The following RIT2 variants were observed in gnomAD, a reference collection of about 807,000 sequenced individuals.
The protein encoded by RIT2 is GTP-binding protein Rit2.
In RIT2, 24 loss-of-function variants were observed where a neutral mutation model predicts 23.7. The ratio of observed to expected loss-of-function variants is 1.01; its 90% CI spans 0.73 to 1.43. RIT2 has a LOEUF of 1.43. RIT2 is among the 40% of genes most tolerant of loss of function. The pLI is 0.00. For missense variants in RIT2, 236 were observed against 266.9 expected, an observed-to-expected ratio of 0.88 and a Z score of 0.81; for synonymous variants, 107 against 91.1, an observed-to-expected ratio of 1.17 and a Z score of -0.99.
intron 4 of RIT2, among the ~76,000 whole-genome samples, chr18:42,819,716 C>T (rs562356405): frequency 1.2e-4 from 19 of 152,156 alleles, no homozygotes; most frequent in African/African-American, 4.3e-4. Context: ...TATTCATTGT[C>T]CCATTTTATT....
At chr18:42,949,822 G>T (rs1909808172) in intron 3 of RIT2, among the ~76,000 whole-genome samples, 1 of 152,056 alleles carries the variant, frequency 6.6e-6, no homozygotes, top group Non-Finnish European at 1.5e-5. Context: ...AAGTCTCACT[G>T]AATCTTTACC....
At chr18:42,767,090 C>T (rs1183766831) in intron 4 of RIT2, among the ~76,000 whole-genome samples, 1 of 152,198 alleles carries the variant, frequency 6.6e-6, no homozygotes, top group Non-Finnish European at 1.5e-5. Context: ...TTGGAGCCCC[C>T]ACACAGAGTC....
intron 4 of RIT2, among the ~76,000 whole-genome samples, chr18:42,819,435 A>C (rs545836100): frequency 6.6e-6 from 1 of 152,116 alleles, no homozygotes; most frequent in Non-Finnish European, 1.5e-5. Flanking sequence ...AATCTTTATT[A>C]TTTTAGGTGT....
chr18:42,755,927 T>C (rs1301794941), intron 4 of RIT2, among the ~76,000 whole-genome samples: 1 of 152,072 alleles, frequency 6.6e-6, no homozygotes, highest in Non-Finnish European at 1.5e-5. Flanking sequence ...GGAGCCTTAA[T>C]CTTAGACCTG....
chr18:42,834,511 G>A (rs954638843), intron 4 of RIT2, among the ~76,000 whole-genome samples: 48 of 151,938 alleles, frequency 3.2e-4, no homozygotes, highest in African/African-American at 1.1e-3. Context: ...TGGGAGTGGG[G>A]TAGAATTTTG....
chr18:43,053,437 C>G (rs145372607), intron 1 of RIT2, among the ~76,000 whole-genome samples: 1 of 151,878 alleles, frequency 6.6e-6, no homozygotes, highest in Admixed American at 6.6e-5. Context: ...CCCCTTCAAG[C>G]AGCAACATAT....
intron 4 of RIT2, among the ~76,000 whole-genome samples, chr18:42,870,502 C>A (rs1907593925): frequency 6.6e-6 from 1 of 152,142 alleles, no homozygotes; most frequent in Non-Finnish European, 1.5e-5. Context: ...GCGTGAGCCA[C>A]CACACCTGGC....
At chr18:42,891,237 G>C (rs970489695) in intron 4 of RIT2, among the ~76,000 whole-genome samples, 1 of 151,982 alleles carries the variant, frequency 6.6e-6, no homozygotes, top group African/African-American at 2.4e-5. Context: ...AATAACTACT[G>C]TTCTCATATT....
chr18:42,937,789 T>C (rs898766505), intron 3 of RIT2, among the ~76,000 whole-genome samples: 2 of 152,132 alleles, frequency 1.3e-5, no homozygotes, highest in Non-Finnish European at 2.9e-5. Flanking sequence ...TGGGGGAACA[T>C]AAAAACTAAC....
At chr18:42,763,416 T>C (rs1913348490) in intron 4 of RIT2, among the ~76,000 whole-genome samples, 1 of 150,056 alleles carries the variant, frequency 6.7e-6, no homozygotes, top group East Asian at 2.0e-4. Flanking sequence ...GAGCCGAGAT[T>C]GCACCTTTGC....
intron 2 of RIT2, among the ~76,000 whole-genome samples, chr18:43,026,616 GAAAGAAAGAA>G (rs1568059883): frequency 7.1e-5 from 10 of 141,420 alleles, no homozygotes; most frequent in African/African-American, 2.6e-4. Context: ...AAGAAAGAAA[GAAAGAAAGAA>G]AGAAAGAAAG....
At chr18:42,933,832 A>C (rs1468366073) in intron 3 of RIT2, among the ~76,000 whole-genome samples, 2 of 151,942 alleles carry the variant, frequency 1.3e-5, no homozygotes, top group Non-Finnish European at 2.9e-5. Context: ...ATCCTGGCCA[A>C]CATGGTGAAA....
chr18:43,026,324 C>T lies in RIT2; in HGVS notation c.160+7487G>A, dbSNP rs114029026. 5.7e-3 allele frequency among the ~76,000 whole-genome samples: 864 copies of T among 151,998 alleles called. 10 individuals are homozygous for T. Among genetic ancestry groups the T allele is most frequent in the African/African-American group, 0.02 (820 of 41,476 alleles). ...TAATCCCAGCACTTTGGGAAGCCAACGCTGGTGGATCACGAGATCAAGAGA... is the reference window on the plus strand; with the variant it reads ...TAATCCCAGCACTTTGGGAAGCCAATGCTGGTGGATCACGAGATCAAGAGA... On this transcript the variant is annotated intron_variant, in intron 2 of 4. Transcript: ENST00000326695.
At chr18:42,999,441 A>C (rs1461719767) in intron 2 of RIT2, among the ~76,000 whole-genome samples, 1 of 152,086 alleles carries the variant, frequency 6.6e-6, no homozygotes, top group Non-Finnish European at 1.5e-5. Flanking sequence ...TGCCTATGAG[A>C]AAAGGGGAAA....
chr18:42,998,440 G>T (rs1911034742), intron 2 of RIT2, among the ~76,000 whole-genome samples: 1 of 152,034 alleles, frequency 6.6e-6, no homozygotes, highest in African/African-American at 2.4e-5. Context: ...CACTGCTAAA[G>T]TGCATAATAC....
intron 2 of RIT2, among the ~76,000 whole-genome samples, chr18:42,984,752 G>C (rs1910671591): frequency 6.6e-6 from 1 of 151,942 alleles, no homozygotes; most frequent in South Asian, 2.1e-4. Flanking sequence ...AAGCATATTA[G>C]AAAACTGGGC....
intron 3 of RIT2, among the ~76,000 whole-genome samples, chr18:42,957,057 A>C (rs1242404064): frequency 1.3e-5 from 2 of 152,188 alleles, no homozygotes; most frequent in Non-Finnish European, 2.9e-5. Context: ...ACCTGATTTC[A>C]TACTATTAAT....
At chr18:43,078,426 G>T (rs1913075252) in intron 1 of RIT2, among the ~76,000 whole-genome samples, 1 of 152,088 alleles carries the variant, frequency 6.6e-6, no homozygotes. Flanking sequence ...CCCTTTATAA[G>T]AAAGCCTTTC....
At chr18:42,981,268 C>T (rs971837984) in intron 2 of RIT2, among the ~76,000 whole-genome samples, 1 of 152,096 alleles carries the variant, frequency 6.6e-6, no homozygotes, top group East Asian at 1.9e-4. Context: ...ATGATCTCTG[C>T]AATACCTGTC....
Sources: allele counts gnomAD v4.1 joint callset (sites outside exome capture counted in the v4.1 genomes callset), GRCh38; gene constraint gnomAD v4.1.1; transcripts MANE v1.5; gene names NCBI Gene and HGNC (gene_info 2026-07-23, HGNC 2026-07-21).